The following PIDD1 variants were observed in gnomAD, a reference collection of about 807,000 sequenced individuals.
PIDD1 encodes the protein p53-induced death domain protein 1, also known as p53-induced death domain-containing protein 1.
A neutral mutation model predicts 80.0 loss-of-function variants in PIDD1; 72 were observed. The observed-to-expected ratio is 0.90, with a 90% CI of 0.74 to 1.09. The LOEUF is 1.09. Among genes scored for constraint, PIDD1 ranks in the 50% least tolerant of loss-of-function variants. The pLI is 0.00. For missense variants in PIDD1, 1,329 were observed against 1,228.3 expected, an observed-to-expected ratio of 1.08 and a Z score of -1.23; for synonymous variants, 655 against 543.5, an observed-to-expected ratio of 1.21 and a Z score of -2.85.
chr11:800,725 G>T, intron 11 of PIDD1, 37 bp downstream of exon 11: 1 of 1,546,940 alleles, frequency 6.5e-7, no homozygotes. Context: ...CCAGCCCTCT[G>T]GTCACCACCC....
intron 3 of PIDD1, 69 bp from the exon 4 acceptor site, chr11:802,960 C>T (rs923991688): frequency 4.7e-5 from 62 of 1,324,452 alleles, no homozygotes; most frequent in Non-Finnish European, 6.2e-5. Context: ...CCTGCTGCCG[C>T]CTCCCAGAGC....
upstream of PIDD1, among the ~76,000 whole-genome samples, chr11:807,515 C>T (rs368879622): frequency 8.6e-5 from 13 of 151,814 alleles, no homozygotes; most frequent in East Asian, 1.7e-3. Context: ...TGGTGGCTCA[C>T]GCCTCTAATC....
At chr11:807,687 G>A (rs898758350), upstream of PIDD1, among the ~76,000 whole-genome samples, 6 of 152,088 alleles carry the variant, frequency 3.9e-5, no homozygotes, top group Non-Finnish European at 8.8e-5. Flanking sequence ...TGAAGCAGGA[G>A]AGTGGCATGA....
upstream of PIDD1, among the ~76,000 whole-genome samples, chr11:807,739 T>C (rs1261464880): frequency 6.6e-6 from 1 of 152,178 alleles, no homozygotes; most frequent in Non-Finnish European, 1.5e-5. Context: ...ATCACGCGAC[T>C]GCACTCCAGC....
Position 802,301 on chromosome 11 carries a change from C to A in PIDD1, c.1070G>T (p.Arg357Leu), listed in dbSNP as rs749210183. ...AGATATPITIRYRLLLPEPGL... is the reference protein window; with the variant it reads ...AGATATPITILYRLLLPEPGL... ...TGGCTCCGGCAGCAGCAGCCGATAG[C>A]GGATGGTGATGGGGGTGGCGGTGGC... The change falls in exon 6 of 16, where the codon CGC (arginine) becomes CTC (leucine). Residue 357 changes from arginine to leucine, a missense_variant. Physicochemically the swap from Arg to Leu is moderately radical, Grantham distance 102. Coordinates refer to ENST00000347755, the MANE Select transcript of PIDD1 (RefSeq NM_145886.4). The A allele has an allele frequency of 1.9e-6, 3 of 1,612,058 alleles. No individual in the cohort carries two copies. The highest frequency in any genetic ancestry group is 2.2e-5 in the East Asian group (1 of 44,900).
At chr11:808,133 A>T (rs1322387407), upstream of PIDD1, among the ~76,000 whole-genome samples, 1 of 151,762 alleles carries the variant, frequency 6.6e-6, no homozygotes. Flanking sequence ...TAATAAAAAA[A>T]AAGTGAGATG....
rs1157844813 is a variant in PIDD1 at position 804,185 on chromosome 11, ACG to A, written c.202_203del (p.Arg68SerfsTer94). On this transcript the variant is annotated frameshift_variant, in exon 2 of 16. Coordinates refer to ENST00000347755, the MANE Select transcript of PIDD1 (RefSeq NM_145886.4). LOFTEE classifies it high-confidence loss of function. Reference protein sequence around the residue: ...PLQLLQVEFLRLSTHEDPQLL... With the variant: ...PLQLLQVEFLXLSTHEDPQLL... ...GCTGAGGGTCCTCGTGAGTGCTCAG[ACG>A]CAAGAATTCCACCTGCAGCAGCTGC... 14 of 1,613,200 alleles carry A rather than the reference ACG, an allele frequency of 8.7e-6. No homozygotes were observed. In the African/African-American group the frequency reaches 1.9e-4, roughly 22 times the overall value.
Position 800,162 on chromosome 11 carries a change from AG to A in PIDD1, c.2242del (p.Leu748CysfsTer30). 1 of 1,610,760 alleles carries A rather than the reference AG, an allele frequency of 6.2e-7. No individual in the cohort carries two copies. The highest frequency in any genetic ancestry group is 8.5e-7 in the Non-Finnish European group (1 of 1,179,410). On this transcript the variant is annotated frameshift_variant, in exon 14 of 16. Coordinates refer to ENST00000347755, the MANE Select transcript of PIDD1 (RefSeq NM_145886.4). LOFTEE classifies it high-confidence loss of function. ...CTTGATGGGCAGAGTGGCCATCCAC[AG>A]GGCGTCTGCGCCCTTCCTCTGCCGG... Reference protein sequence around the residue: ...AARQRKGADALWMATLPIKLP... With the variant: ...AARQRKGADAXWMATLPIKLP...
Position 800,611 on chromosome 11 carries a change from T to C in PIDD1, c.1973A>G (p.Asp658Gly). The C allele has an allele frequency of 6.2e-7, 1 of 1,600,564 alleles. No homozygotes were observed. The highest frequency in any genetic ancestry group is 8.5e-7 in the Non-Finnish European group (1 of 1,177,398). ...LERYRGPEPSDTVEMFEGEEF... is the reference protein window; with the variant it reads ...LERYRGPEPSGTVEMFEGEEF... Reference sequence around the variant, plus strand: ...TTCGCCCTCGAACATCTCCACCGTGTCAGAGGGCTCGGGGCCCCGGTACCG... The same window carrying C: ...TTCGCCCTCGAACATCTCCACCGTGCCAGAGGGCTCGGGGCCCCGGTACCG... Residue 658 changes from aspartate to glycine, a missense_variant, in exon 12 of 16, where the codon GAC becomes GGC. Coordinates refer to ENST00000347755, the MANE Select transcript of PIDD1 (RefSeq NM_145886.4).
rs1472352982 is a variant in PIDD1, at chr11:804,419, T to C, written c.-31A>G. The C allele has an allele frequency of 1.3e-6, 2 of 1,556,068 alleles. No homozygotes were observed. Among genetic ancestry groups the C allele is most frequent in the Non-Finnish European group, 1.7e-6 (2 of 1,150,862 alleles). On this transcript the variant is annotated 5_prime_UTR_variant, in exon 2 of 16. It removes an upstream start codon present in the reference 5' UTR. Coordinates refer to ENST00000347755, the MANE Select transcript of PIDD1 (RefSeq NM_145886.4). ...ACCGACGGTCCTTGGAGGCCAGACA[T>C]GTCCCAGCACGCAGGCAGGCCTGTC...
At chr11:808,620 C>T (rs57595862), upstream of PIDD1, among the ~76,000 whole-genome samples, 4,029 of 152,162 alleles carry the variant, frequency 0.026, 187 homozygotes, top group African/African-American at 0.091. Flanking sequence ...CACCTGAGCC[C>T]AGGAAGTTGA....
At chr11:801,401 G>C (rs773011265) in intron 8 of PIDD1, 36 bp from the exon 9 acceptor site, 1 of 1,588,922 alleles carries the variant, frequency 6.3e-7, no homozygotes, top group South Asian at 1.1e-5. Flanking sequence ...CCTGCCTGTG[G>C]GCTGAGGCGC....
In PIDD1 at chr11:800,646, C is replaced by G. The variant is rs778737277; in HGVS notation, c.1938G>C (p.Arg646=). Reference sequence around the variant, plus strand: ...CGGGGCCCCGGTACCGCTCCAGCAGCCGCCGAAGGGTGGCGTCCACCTGCG... The same window carrying G: ...CGGGGCCCCGGTACCGCTCCAGCAGGCGCCGAAGGGTGGCGTCCACCTGCG... The part of the protein sequence containing the change: ...PRNKVDATLR[R]LLERYRGPEP... Residue 646 remains arginine (R), a synonymous_variant, in exon 12 of 16, where the codon CGG becomes CGC. Transcript: ENST00000347755. 1 of 1,591,558 alleles carries G rather than the reference C, an allele frequency of 6.3e-7. No individual in the cohort carries two copies. The highest frequency in any genetic ancestry group is 8.5e-7 in the Non-Finnish European group (1 of 1,174,766).
At chr11:805,591 A>C (rs1865730242), upstream of PIDD1, 2 of 981,800 alleles carry the variant, frequency 2.0e-6, no homozygotes, top group Non-Finnish European at 2.4e-6. Flanking sequence ...TGACGGGGGT[A>C]CTCTTGCCGC....
chr11:807,284 G>C (rs962726499), upstream of PIDD1, among the ~76,000 whole-genome samples: 6 of 150,618 alleles, frequency 4.0e-5, no homozygotes, highest in African/African-American at 1.5e-4. Flanking sequence ...TCAGGAGATC[G>C]AGACCATCCT....
At chr11:808,126 T>TAA (rs71022977), upstream of PIDD1, among the ~76,000 whole-genome samples, 16 of 150,644 alleles carry the variant, frequency 1.1e-4, no homozygotes, top group South Asian at 1.1e-3. Context: ...TTTGGGATAA[T>TAA]AAAAAAAAAG....
At chr11:807,756 G>A (rs148652723), upstream of PIDD1, among the ~76,000 whole-genome samples, 93 of 152,052 alleles carry the variant, frequency 6.1e-4, no homozygotes, top group African/African-American at 2.1e-3. Flanking sequence ...CAGCCTGGGC[G>A]GCAGAGCAAG....
At chr11:809,482 G>A (rs1483194622), upstream of PIDD1, 1 of 152,300 alleles carries the variant, frequency 6.6e-6, no homozygotes, top group Non-Finnish European at 1.5e-5. Flanking sequence ...GTCAAGGCGA[G>A]CCTACCGCCA....
rs536527985 is a variant in PIDD1 at position 801,588 on chromosome 11, A to C, written c.1339T>G (p.Trp447Gly). 6.4e-7 allele frequency: 1 copy of C among 1,566,880 alleles called. No individual in the cohort carries two copies. Among genetic ancestry groups the C allele is most frequent in the Admixed American group, 1.9e-5 (1 of 52,848 alleles). ...WAHCQVPHFSWFLVVSRPVSN... is the reference protein window; with the variant it reads ...WAHCQVPHFSGFLVVSRPVSN... ...ACAGGGCGGGAAACCACAAGGAACC[A>C]GGAGAAGTGGGGCACCTGGCAGTGA... Residue 447 changes from tryptophan (W) to glycine (G), a missense_variant, in exon 8 of 16, where the codon TGG (tryptophan) becomes GGG (glycine). Physicochemically the swap from Trp to Gly is radical, Grantham distance 184. Transcript: ENST00000347755.
Sources: allele counts gnomAD v4.1 joint callset (sites outside exome capture counted in the v4.1 genomes callset), GRCh38; gene constraint gnomAD v4.1.1; transcripts MANE v1.5; gene names NCBI Gene and HGNC (gene_info 2026-07-23, HGNC 2026-07-21).